Variants in METTL16 observed in about 807,000 individuals in gnomAD.
METTL16 encodes the protein methyltransferase 16, RNA N6-adenosine, also known as RNA N(6)-adenosine-methyltransferase METTL16.
Under a neutral mutation model 57.9 loss-of-function variants are expected in METTL16, and 19 were observed. The ratio of observed to expected loss-of-function variants is 0.33; its 90% confidence interval spans 0.23 to 0.48. METTL16 has a LOEUF of 0.48. METTL16 is among the 20% of genes least tolerant of loss of function. The pLI, the probability that METTL16 is intolerant of heterozygous loss-of-function variation, is 0.99. For missense variants in METTL16, 434 were observed against 691.5 expected (o/e 0.63, Z 4.18); for synonymous variants, 246 against 255.6 (o/e 0.96, Z 0.36).
intron 2 of METTL16, among the ~76,000 whole-genome samples, chr17:2,488,313 T>C (rs184717763): frequency 2.2e-4 from 33 of 151,974 alleles, no homozygotes; most frequent in African/African-American, 7.5e-4. Flanking sequence ...TCCCAACACT[T>C]TGGGAGGCTG....
intron 2 of METTL16, among the ~76,000 whole-genome samples, chr17:2,494,327 T>G (rs2067424659): frequency 6.6e-6 from 1 of 152,174 alleles, no homozygotes; most frequent in Non-Finnish European, 1.5e-5. Context: ...CAGTCAAGAT[T>G]TACTAATTTT....
intron 8 of METTL16, among the ~76,000 whole-genome samples, chr17:2,434,690 G>GA (rs1469932514): frequency 6.6e-6 from 1 of 152,176 alleles, no homozygotes; most frequent in East Asian, 1.9e-4. Flanking sequence ...AAAACCTAAG[G>GA]AGAAGGGAGC....
chr17:2,447,598 C>T (rs1241291298), intron 6 of METTL16, among the ~76,000 whole-genome samples: 11 of 109,950 alleles, frequency 1.0e-4, no homozygotes, highest in African/African-American at 1.9e-4. Context: ...GCCCCCCGCC[C>T]GGCCAGCCGC....
At position 2,431,952 on chromosome 17, in the gene METTL16, T is replaced by A. The variant is rs539533174; in HGVS notation, c.888+6157A>T. Among the ~76,000 whole-genome samples, 4 of 152,212 alleles carry A rather than the reference T, an allele frequency of 2.6e-5. No individual in the cohort carries two copies. In the South Asian group the frequency reaches 8.3e-4, roughly 32 times the overall value. On this transcript the variant is annotated intron_variant, in intron 8 of 9. Transcript: ENST00000263092. ...AGCTCAATGTGACTCAATATTTTTTTTTTTTCTTTTGAGACTGAGTCTTGC... is the reference window on the plus strand; with the variant it reads ...AGCTCAATGTGACTCAATATTTTTTATTTTTCTTTTGAGACTGAGTCTTGC...
chr17:2,453,605 A>G (rs996175056), intron 6 of METTL16, among the ~76,000 whole-genome samples: 6 of 152,162 alleles, frequency 3.9e-5, no homozygotes, highest in African/African-American at 1.4e-4. Context: ...AAACTCCCAC[A>G]CTTCTCTCTG....
intron 6 of METTL16, among the ~76,000 whole-genome samples, chr17:2,463,521 GCA>G (rs879454863): frequency 3.3e-5 from 5 of 152,056 alleles, no homozygotes; most frequent in Non-Finnish European, 5.9e-5. Flanking sequence ...GAGCGCAGTG[GCA>G]TGATCTCGGC....
intron 2 of METTL16, among the ~76,000 whole-genome samples, chr17:2,488,134 A>G (rs559680636): frequency 1.3e-5 from 2 of 152,320 alleles, no homozygotes; most frequent in Non-Finnish European, 1.5e-5. Flanking sequence ...ATATCTGCAC[A>G]CCCATATTTA....
At chr17:2,478,035 A>G in intron 2 of METTL16, 150 bp from the exon 3 acceptor site, 1 of 628,402 alleles carries the variant, frequency 1.6e-6, no homozygotes, top group Non-Finnish European at 2.8e-6. Context: ...AGTGGCACAT[A>G]CACGAGTGTT....
rs945073555 is a variant in METTL16 at position 2,419,548 on chromosome 17, G to C, written c.*422C>G. On this transcript the variant is annotated 3_prime_UTR_variant, in exon 10 of 10. Coordinates refer to ENST00000263092, the MANE Select transcript of METTL16 (RefSeq NM_024086.4). The stretch of plus-strand genomic sequence containing the variant: ...CTAGAACAGGGTACCAGGGCCTCCA[G>C]CTGGAGGCAGAGAGAGCCACCCCTC... The C allele has an allele frequency of 2.2e-6, 1 of 454,932 alleles. No homozygotes were observed. Among genetic ancestry groups the C allele is most frequent in the Non-Finnish European group, 4.4e-6 (1 of 227,400 alleles). The allele number at this position is 454,932 out of a possible 1,614,324, so 28.2% of individuals were successfully genotyped here. A position where few individuals can be genotyped will look rare whatever the true frequency, so the allele number is the denominator to read the frequency against.
intron 1 of METTL16, among the ~76,000 whole-genome samples, chr17:2,507,728 G>T (rs963990484): frequency 4.6e-5 from 7 of 152,244 alleles, no homozygotes; most frequent in Admixed American, 3.9e-4. Context: ...GATGGTTGCC[G>T]TGGCTGTGTA....
At chr17:2,469,422 G>A (rs959591192) in intron 4 of METTL16, among the ~76,000 whole-genome samples, 8 of 151,764 alleles carry the variant, frequency 5.3e-5, no homozygotes, top group East Asian at 1.9e-4. Flanking sequence ...TCTCTTTAAC[G>A]GAAAAAAAAT....
chr17:2,420,368 G>C lies in METTL16; in HGVS notation c.1291C>G (p.Pro431Ala), dbSNP rs376012898. Residue 431 changes from proline to alanine, a missense_variant, in exon 10 of 10, where the codon CCC becomes GCC. Around this residue, in one of 5 missense-constraint regions of METTL16, gnomAD observed 168 missense variants for 149.6 expected, o/e 1.12. Coordinates refer to ENST00000263092, the MANE Select transcript of METTL16 (RefSeq NM_024086.4). The surrounding 1 kb of genome is among the most constrained non-coding windows in gnomAD (Gnocchi z 5.4). ...CCTTCCCGCAGAGCAGGCCCACAGG[G>C]GGTCCTCTCCTGGGGGCCCCTGGCC... is the stretch of plus-strand genomic sequence containing the variant. ...ELARGPQERT[P>A]CGPALREGEA... 4.4e-5 allele frequency: 71 copies of C among 1,612,308 alleles called. No homozygotes were observed. The highest frequency in any genetic ancestry group is 5.8e-5 in the Non-Finnish European group (68 of 1,180,014).
intron 8 of METTL16, among the ~76,000 whole-genome samples, chr17:2,423,101 C>T (rs995482597): frequency 6.6e-6 from 1 of 152,204 alleles, no homozygotes; most frequent in East Asian, 1.9e-4. Context: ...CCTGGCCACA[C>T]TGACAGCGCA....
chr17:2,467,154 A>G (rs1205214555), intron 5 of METTL16, among the ~76,000 whole-genome samples: 3 of 152,096 alleles, frequency 2.0e-5, no homozygotes, highest in African/African-American at 7.2e-5. Flanking sequence ...CGGAACCCAC[A>G]GGTGTAGGAC....
Position 2,502,234 on chromosome 17 carries a change from T to C in METTL16, c.98A>G (p.His33Arg). Residue 33 changes from histidine to arginine, a missense_variant, in exon 2 of 10, where the codon CAT becomes CGT. Around this residue, in one of 5 missense-constraint regions of METTL16, gnomAD observed 118 missense variants for 280.0 expected, o/e 0.42. Coordinates refer to ENST00000263092, the MANE Select transcript of METTL16 (RefSeq NM_024086.4). ...LASKYPDFKQ[H>R]VQINLNGRVS... ...TCTTCCATTCAGATTTATCTGAACA[T>C]GCTGCTTAAAATCTGGATATTTGGA... The C allele has an allele frequency of 6.2e-7, 1 of 1,613,980 alleles. No individual in the cohort carries two copies. The highest frequency in any genetic ancestry group is 8.5e-7 in the Non-Finnish European group (1 of 1,179,940).
chr17:2,446,113 A>C (rs1476562113), intron 6 of METTL16, among the ~76,000 whole-genome samples: 1 of 152,178 alleles, frequency 6.6e-6, no homozygotes, highest in African/African-American at 2.4e-5. Flanking sequence ...CTAGAAATAG[A>C]AGAAAACTTC....
Position 2,467,916 on chromosome 17 carries a change from G to A in METTL16, c.470-40C>T, listed in dbSNP as rs779718992. The A allele has an allele frequency of 2.9e-6, 4 of 1,396,126 alleles. No individual in the cohort carries two copies. In the South Asian group the frequency reaches 4.6e-5, roughly 16 times the overall value. The allele number at this position is 1,396,126 out of a possible 1,614,324, so 86.5% of individuals were successfully genotyped here. ...AGGACTGTGAACTAATATTAATGTT[G>A]CAGTGGTTCTAAAGTATAACCGCGC... is the stretch of plus-strand genomic sequence containing the variant. On this transcript the variant is annotated intron_variant, in intron 4 of 9. Transcript: ENST00000263092.
Position 2,502,257 on chromosome 17 carries a change from G to C in METTL16, c.75C>G (p.Ser25=). The C allele has an allele frequency of 6.2e-7, 1 of 1,613,572 alleles. No homozygotes were observed. The highest frequency in any genetic ancestry group is 1.3e-5 in the African/African-American group (1 of 74,988). Residue 25 remains serine, a synonymous_variant, in exon 2 of 10, where the codon TCC becomes TCG. Transcript: ENST00000263092. The stretch of plus-strand genomic sequence containing the variant: ...CATGCTGCTTAAAATCTGGATATTT[G>C]GATGCCAGATATGCAAAGTCAGGAG... ...DKPPDFAYLA[S]KYPDFKQHVQ... is the part of the protein sequence containing the mutation.
At chr17:2,428,948 T>C (rs912055493) in intron 8 of METTL16, among the ~76,000 whole-genome samples, 1 of 152,082 alleles carries the variant, frequency 6.6e-6, no homozygotes, top group East Asian at 1.9e-4. Context: ...AACCTCTGCC[T>C]CCTGGGTTCA....
Sources: gnomAD v4.1 joint callset for allele counts (sites outside exome capture counted in the v4.1 genomes callset) on GRCh38, gnomAD v4.1.1 for gene constraint, gnomAD v4.1.1 regional missense constraint, Gnocchi (gnomAD v3.1) non-coding constraint, MANE v1.5 for transcripts, NCBI Gene and HGNC (gene_info 2026-07-23, HGNC 2026-07-21) for gene names.